FOXP2: variants seen among roughly 807,000 people sequenced by gnomAD.
The protein encoded by FOXP2 is forkhead box P2, also known as forkhead box protein P2.
In FOXP2, 12 loss-of-function variants were observed where a neutral mutation model predicts 115.8. The ratio of observed to expected loss-of-function variants is 0.10; its 90% CI spans 0.07 to 0.17. FOXP2 has a LOEUF of 0.17. FOXP2 is among the 10% of genes least tolerant of loss of function. The probability of loss-of-function intolerance (pLI) is 1.00; values close to 1 mark genes in which losing one functional copy is unlikely to be tolerated. For missense variants in FOXP2, 629 were observed against 843.5 expected (o/e 0.75, Z 3.15); for synonymous variants, 328 against 297.7 (o/e 1.10, Z -1.05).
chr7:114,357,578 G>T (rs1791646160), intron 2 of FOXP2, among the ~76,000 whole-genome samples: 1 of 151,994 alleles, frequency 6.6e-6, no homozygotes, highest in Non-Finnish European at 1.5e-5. Context: ...ACGGTTCTTT[G>T]GCCACCTCTT....
chr7:114,457,759 G>A (rs964316956), intron 2 of FOXP2, among the ~76,000 whole-genome samples: 11 of 152,016 alleles, frequency 7.2e-5, no homozygotes, highest in Admixed American at 2.0e-4. Context: ...CTAGCCAGGC[G>A]TGGTGGCAGG....
intron 2 of FOXP2, among the ~76,000 whole-genome samples, chr7:114,519,162 T>G (rs557410208): frequency 1.3e-5 from 2 of 152,308 alleles, no homozygotes; most frequent in Non-Finnish European, 2.9e-5. Flanking sequence ...TTTAAAATAA[T>G]TTTTAATTAA....
chr7:114,635,059 T>G (rs1039082405), intron 6 of FOXP2, among the ~76,000 whole-genome samples: 1 of 152,172 alleles, frequency 6.6e-6, no homozygotes, highest in Non-Finnish European at 1.5e-5. Flanking sequence ...TCTTCTGAAT[T>G]AACACATTAT....
At chr7:114,130,092 T>C (rs1234511649) in intron 1 of FOXP2, among the ~76,000 whole-genome samples, 1 of 152,068 alleles carries the variant, frequency 6.6e-6, no homozygotes, top group East Asian at 1.9e-4. Context: ...GGTGGGAGGA[T>C]TGCTTGAGCC....
At chr7:114,199,461 T>C (rs892450513) in intron 1 of FOXP2, among the ~76,000 whole-genome samples, 4 of 152,178 alleles carry the variant, frequency 2.6e-5, no homozygotes, top group Non-Finnish European at 1.5e-5. Context: ...CTTTACTTCT[T>C]ATTTTTAAAA....
Position 114,580,884 on chromosome 7 carries a change from A to G in FOXP2, c.258+46178A>G, listed in dbSNP as rs550810175. On this transcript the variant is annotated intron_variant, in intron 3 of 16. Coordinates refer to ENST00000350908, the MANE Select transcript of FOXP2 (RefSeq NM_014491.4). ...TGGAGATGATGCATTTTTGGAAGTCATATAATATACAGGAGACTAGAGTCC... is the reference window on the plus strand; with the variant it reads ...TGGAGATGATGCATTTTTGGAAGTCGTATAATATACAGGAGACTAGAGTCC... 2.0e-5 allele frequency among the ~76,000 whole-genome samples: 3 copies of G among 152,200 alleles called. No individual in the cohort carries two copies. In the East Asian group the frequency reaches 5.8e-4, roughly 29 times the overall value.
intron 3 of FOXP2, among the ~76,000 whole-genome samples, chr7:114,579,788 G>A (rs1801753313): frequency 6.6e-6 from 1 of 152,030 alleles, no homozygotes; most frequent in African/African-American, 2.4e-5. Flanking sequence ...TATTCACTGA[G>A]CATATACTAT....
intron 1 of FOXP2, among the ~76,000 whole-genome samples, chr7:114,113,343 C>T (rs1156260923): frequency 6.6e-6 from 1 of 152,108 alleles, no homozygotes; most frequent in Non-Finnish European, 1.5e-5. Flanking sequence ...AAAATCACTA[C>T]ATTTTATTAG....
chr7:114,466,412 T>G (rs1050825706), intron 2 of FOXP2, among the ~76,000 whole-genome samples: 1 of 152,236 alleles, frequency 6.6e-6, no homozygotes, highest in Non-Finnish European at 1.5e-5. Flanking sequence ...TAAGTATCAA[T>G]GGCCTCCCAG....
intron 16 of FOXP2, among the ~76,000 whole-genome samples, chr7:114,684,245 C>T (rs1808241798): frequency 2.0e-5 from 3 of 152,122 alleles, no homozygotes; most frequent in Admixed American, 2.0e-4. Flanking sequence ...AAACCCAACC[C>T]AGAAAGGTTA....
chr7:114,323,645 T>C (rs1036427590), intron 2 of FOXP2, among the ~76,000 whole-genome samples: 3 of 152,162 alleles, frequency 2.0e-5, no homozygotes, highest in Non-Finnish European at 4.4e-5. Flanking sequence ...AAGAAATAAT[T>C]GTTTTCCTAT....
rs573229453 is a variant in FOXP2, at chr7:114,560,431, C to T, written c.258+25725C>T. ...GACCAGCCTGGCCAACATAGGGAAA[C>T]CTAAAAATGTTAAAAATACTAAAAA... On this transcript the variant is annotated intron_variant, in intron 3 of 16. Transcript: ENST00000350908. Among the ~76,000 whole-genome samples, 146 of 151,994 alleles carry T rather than the reference C, an allele frequency of 9.6e-4. 2 individuals carry two copies. In the South Asian group the frequency reaches 0.03, roughly 31 times the overall value.
intron 8 of FOXP2, chr7:114,645,975 G>A (rs1805858846): frequency 6.9e-6 from 1 of 145,584 alleles, no homozygotes; most frequent in Non-Finnish European, 1.5e-5. Flanking sequence ...ACAGTTGTGA[G>A]CTGCCATTTC....
chr7:114,494,826 T>C (rs1412911971), intron 2 of FOXP2, among the ~76,000 whole-genome samples: 1 of 152,250 alleles, frequency 6.6e-6, no homozygotes, highest in African/African-American at 2.4e-5. Flanking sequence ...GCTATATTTC[T>C]ATAAAATGAT....
chr7:114,189,942 A>G (rs1793712849), intron 1 of FOXP2, among the ~76,000 whole-genome samples: 1 of 152,154 alleles, frequency 6.6e-6, no homozygotes, highest in African/African-American at 2.4e-5. Context: ...ATGTTTATGA[A>G]AGCCTATTTA....
Position 114,630,306 on chromosome 7 carries a change from G to T in FOXP2, c.597+301G>T, listed in dbSNP as rs76677016. Among the ~76,000 whole-genome samples the T allele has an allele frequency of 2.5e-3, 381 of 152,242 alleles. 1 individual carries two copies. The highest frequency in any genetic ancestry group is 8.9e-3 in the African/African-American group (368 of 41,552). On this transcript the variant is annotated intron_variant, in intron 5 of 16. Transcript: ENST00000350908. Reference sequence around the variant, plus strand: ...TATCTTGTATTCATGGAGAATCTAAGTTGGTGAGGGAACCTTATTTTTCTC... The same window carrying T: ...TATCTTGTATTCATGGAGAATCTAATTTGGTGAGGGAACCTTATTTTTCTC...
chr7:114,426,824 A>G (rs1407070030), intron 2 of FOXP2, 145 bp downstream of exon 2: 2 of 893,814 alleles, frequency 2.2e-6, no homozygotes, highest in Middle Eastern at 3.3e-4. Flanking sequence ...TGATTGAAGG[A>G]TGAGTAAAGA....
upstream of FOXP2, among the ~76,000 whole-genome samples, chr7:114,158,105 G>A (rs942400381): frequency 2.0e-5 from 3 of 152,038 alleles, no homozygotes; most frequent in African/African-American, 4.8e-5. Flanking sequence ...CTGAGCAAAA[G>A]AGGATGAAAA....
intron 3 of FOXP2, among the ~76,000 whole-genome samples, chr7:114,539,965 C>A (rs1033804796): frequency 6.6e-6 from 1 of 151,814 alleles, no homozygotes. Context: ...ATAAAGATAC[C>A]CAACCTTTCA....
Sources: allele counts gnomAD v4.1 joint callset (sites outside exome capture counted in the v4.1 genomes callset), GRCh38; gene constraint gnomAD v4.1.1; transcripts MANE v1.5; gene names NCBI Gene and HGNC (gene_info 2026-07-23, HGNC 2026-07-21).